Variants in DNAH11 observed in about 807,000 individuals in gnomAD.
DNAH11 encodes the protein axonemal beta dynein heavy chain 11.
In DNAH11, 442 loss-of-function variants were observed where a neutral mutation model predicts 526.0. The ratio of observed to expected loss-of-function variants is 0.84; its 90% CI spans 0.78 to 0.91. The LOEUF (loss-of-function observed/expected upper bound fraction) is 0.91, where lower values mean the gene tolerates loss of function less well. Ranked by LOEUF, DNAH11 falls within the 40% of genes least tolerant of loss-of-function variation. DNAH11 has a pLI of 0.00. For synonymous variants in DNAH11, 2,461 were observed against 1,935.9 expected (o/e 1.27, Z -7.12); for missense variants, 6,989 against 5,448.7 (o/e 1.28, Z -8.90).
intron 65 of DNAH11, among the ~76,000 whole-genome samples, chr7:21,833,968 ACAT>A (rs1441041977): frequency 6.6e-6 from 1 of 152,178 alleles, no homozygotes; most frequent in Non-Finnish European, 1.5e-5. Flanking sequence ...TCAGAAAGAA[ACAT>A]CAGAGTTAAA....
intron 44 of DNAH11, 142 bp from the exon 45 acceptor site, chr7:21,725,664 GTTAAT>G (rs1785068367): frequency 1.4e-6 from 1 of 722,898 alleles, no homozygotes; most frequent in Non-Finnish European, 2.2e-6. Context: ...TGCTTTTTAA[GTTAAT>G]TATTTCACAA....
chr7:21,603,846 A>T (rs1785183184), intron 18 of DNAH11, among the ~76,000 whole-genome samples: 1 of 152,214 alleles, frequency 6.6e-6, no homozygotes, highest in Non-Finnish European at 1.5e-5. Flanking sequence ...TTGATGAGGG[A>T]AATTTAGATA....
intron 45 of DNAH11, among the ~76,000 whole-genome samples, chr7:21,728,957 T>C (rs1458458786): frequency 6.6e-6 from 1 of 152,240 alleles, no homozygotes; most frequent in Non-Finnish European, 1.5e-5. Flanking sequence ...AAGGCGGCAG[T>C]ATTGCCCTTG....
intron 68 of DNAH11, among the ~76,000 whole-genome samples, chr7:21,859,114 T>C (rs964336862): frequency 6.6e-6 from 1 of 152,106 alleles, no homozygotes; most frequent in African/African-American, 2.4e-5. Context: ...ATTTTTTTTT[T>C]CATTTTGTTT....
At chr7:21,795,593 C>T (rs1435896791) in intron 61 of DNAH11, among the ~76,000 whole-genome samples, 1 of 152,174 alleles carries the variant, frequency 6.6e-6, no homozygotes, top group African/African-American at 2.4e-5. Flanking sequence ...CAAACAGAAC[C>T]ATATTTTATA....
Position 21,816,680 on chromosome 7 carries a change from G to C in DNAH11, c.10546G>C (p.Val3516Leu), listed in dbSNP as rs771128524. ...IKNKYGMDLK[V>L]THLGQKGFLN... is the part of the protein sequence containing the mutation. ...GAATAAGTATGGAATGGACCTGAAA[G>C]TCACACATTTGGGCCAGAAAGGGTA... The change falls in exon 64 of 82, where the codon GTC (valine) becomes CTC (leucine). Residue 3516 changes from valine to leucine, a missense_variant. Coordinates refer to ENST00000409508, the MANE Select transcript of DNAH11 (RefSeq NM_001277115.2). 2 of 1,613,620 alleles carry C rather than the reference G, an allele frequency of 1.2e-6. No homozygotes were observed. The highest frequency in any genetic ancestry group is 1.7e-6 in the Non-Finnish European group (2 of 1,179,730).
At chr7:21,656,690 C>G (rs1016716508) in intron 29 of DNAH11, among the ~76,000 whole-genome samples, 3 of 152,104 alleles carry the variant, frequency 2.0e-5, no homozygotes, top group Admixed American at 2.0e-4. Context: ...GGAATAGTGT[C>G]TAGTGGAGAA....
At chr7:21,669,540 ACTC>A (rs1160758560) in intron 30 of DNAH11, among the ~76,000 whole-genome samples, 1 of 151,434 alleles carries the variant, frequency 6.6e-6, no homozygotes, top group Non-Finnish European at 1.5e-5. Flanking sequence ...AAAATGGACT[ACTC>A]ATTTTCTTAA....
At chr7:21,741,113 A>G (rs1316775850) in intron 48 of DNAH11, among the ~76,000 whole-genome samples, 3 of 152,226 alleles carry the variant, frequency 2.0e-5, no homozygotes, top group African/African-American at 7.2e-5. Context: ...TATTCTGGAT[A>G]TTAATCCCTT....
Position 21,687,480 on chromosome 7 carries a change from A to G in DNAH11, c.5877A>G (p.Ala1959=), listed in dbSNP as rs1783429297. Reference sequence around the variant, plus strand: ...CTGTGGAAGTTCTGTCAGTGGTGGCAGTACAAGTGAAAATGATTCATGATG... The same window carrying G: ...CTGTGGAAGTTCTGTCAGTGGTGGCGGTACAAGTGAAAATGATTCATGATG... The part of the protein sequence containing the change: ...RISVEVLSVV[A]VQVKMIHDAI... Residue 1959 remains alanine, a synonymous_variant, in exon 34 of 82, where the codon GCA becomes GCG. Coordinates refer to ENST00000409508, the MANE Select transcript of DNAH11 (RefSeq NM_001277115.2). 1.2e-6 allele frequency: 2 copies of G among 1,613,782 alleles called. No homozygotes were observed. Among genetic ancestry groups the G allele is most frequent in the African/African-American group, 1.3e-5 (1 of 74,930 alleles).
In DNAH11 at chr7:21,789,808, T is replaced by TCTTTC; in HGVS notation, c.10026+466_10026+467insCTTTC. ...TTCTTTCTTTCTTTCTTTCTTTCTT[T>TCTTTC]TTTCTTTCTTTCTTTCTTTCTTTCT... On this transcript the variant is annotated intron_variant, in intron 61 of 81. Coordinates refer to ENST00000409508, the MANE Select transcript of DNAH11 (RefSeq NM_001277115.2). Among the ~76,000 whole-genome samples, 175 of 34,108 alleles carry TCTTTC rather than the reference T, an allele frequency of 5.1e-3. 1 individual carries two copies. Among genetic ancestry groups the TCTTTC allele is most frequent in the East Asian group, 0.016 (26 of 1,610 alleles). 22.4% of individuals were successfully genotyped at this position (34,108 alleles called of 152,430 possible).
chr7:21,767,337 G>A (rs867417063), intron 55 of DNAH11, among the ~76,000 whole-genome samples: 14 of 152,242 alleles, frequency 9.2e-5, no homozygotes, highest in Admixed American at 3.3e-4. Flanking sequence ...GGTTTAAGTT[G>A]GCATGTGGCA....
At position 21,873,254 on chromosome 7, in the gene DNAH11, T is replaced by A; in HGVS notation, c.11968-20T>A. ...ATATGCCTCACCTTCACAGGAATTA[T>A]GCACCATGCTATCTTTCAGAATGTT... On this transcript the variant is annotated intron_variant, in intron 73 of 81. Transcript: ENST00000409508. The A allele has an allele frequency of 1.3e-6, 2 of 1,543,344 alleles. No individual in the cohort carries two copies. Among genetic ancestry groups the A allele is most frequent in the East Asian group, 2.4e-5 (1 of 42,106 alleles).
intron 56 of DNAH11, among the ~76,000 whole-genome samples, chr7:21,776,584 C>T (rs1173257679): frequency 6.6e-6 from 1 of 152,188 alleles, no homozygotes; most frequent in Non-Finnish European, 1.5e-5. Flanking sequence ...CTCTAGATGT[C>T]AGCTTAGGTC....
At chr7:21,793,113 T>G (rs1193092940) in intron 61 of DNAH11, among the ~76,000 whole-genome samples, 1 of 152,240 alleles carries the variant, frequency 6.6e-6, no homozygotes, top group Non-Finnish European at 1.5e-5. Context: ...TAAATTTCCT[T>G]CTTAATGTCA....
intron 42 of DNAH11, among the ~76,000 whole-genome samples, chr7:21,714,619 C>T (rs1323609496): frequency 2.0e-5 from 3 of 152,086 alleles, no homozygotes; most frequent in African/African-American, 7.2e-5. Flanking sequence ...TCTCGTAAGT[C>T]TCAGTTTTCA....
In DNAH11 at chr7:21,636,044, C is replaced by A; in HGVS notation, c.4674C>A (p.Ile1558=). The part of the protein sequence containing the change: ...SIFVCSEDIR[I]QLVKDARRFD... The stretch of plus-strand genomic sequence containing the variant: ...TTGTCTGTTCAGAAGATATTCGAAT[C>A]CAGCTTGTGAAAGATGCTAGAAGAT... Residue 1558 remains isoleucine, a synonymous_variant, in exon 26 of 82, where the codon ATC becomes ATA. Transcript: ENST00000409508. 6.2e-7 allele frequency: 1 copy of A among 1,613,472 alleles called. No individual in the cohort carries two copies. The highest frequency in any genetic ancestry group is 8.5e-7 in the Non-Finnish European group (1 of 1,179,670).
chr7:21,787,743 C>A (rs1405922270), intron 60 of DNAH11, among the ~76,000 whole-genome samples, 160 bp downstream of exon 60: 1 of 152,134 alleles, frequency 6.6e-6, no homozygotes. Flanking sequence ...GTAAACAATT[C>A]TCTACAGGAG....
intron 55 of DNAH11, among the ~76,000 whole-genome samples, chr7:21,772,446 C>T (rs117446196): frequency 1.7e-3 from 250 of 149,924 alleles, no homozygotes; most frequent in Admixed American, 5.0e-3. Context: ...ACCTTTAGTT[C>T]CCATTAAAAC....
Sources: gnomAD v4.1 joint callset for allele counts (sites outside exome capture counted in the v4.1 genomes callset) on GRCh38, gnomAD v4.1.1 for gene constraint, MANE v1.5 for transcripts, NCBI Gene and HGNC (gene_info 2026-07-23, HGNC 2026-07-21) for gene names.